CYRIB: variants seen among roughly 807,000 people sequenced by gnomAD.
CYRIB encodes CYFIP-related Rac1 interactor B.
A neutral mutation model predicts 44.2 loss-of-function variants in CYRIB; 8 were observed. The ratio of observed to expected loss-of-function variants is 0.18; its 90% CI spans 0.11 to 0.33. The LOEUF (loss-of-function observed/expected upper bound fraction) is 0.33. Among genes scored for constraint, CYRIB ranks in the 10% least tolerant of loss-of-function variants. CYRIB has a pLI of 1.00. For synonymous variants in CYRIB, 131 were observed against 127.2 expected, an observed-to-expected ratio of 1.03 and a Z score of -0.20; for missense variants, 185 against 382.8, an observed-to-expected ratio of 0.48 and a Z score of 4.31.
At chr8:129,945,282 T>C (rs1208332811) in intron 2 of CYRIB, among the ~76,000 whole-genome samples, 2 of 152,230 alleles carry the variant, frequency 1.3e-5, no homozygotes, top group Admixed American at 6.5e-5. Context: ...TCACTCCTTC[T>C]ACAAAGCATT....
At chr8:129,884,318 C>T (rs2061890377) in intron 2 of CYRIB, among the ~76,000 whole-genome samples, 1 of 152,108 alleles carries the variant, frequency 6.6e-6, no homozygotes, top group Non-Finnish European at 1.5e-5. Flanking sequence ...GACGGGGTTT[C>T]ACTCTTGTTG....
chr8:129,914,187 A>G (rs2079552304), intron 1 of CYRIB, among the ~76,000 whole-genome samples: 2 of 152,240 alleles, frequency 1.3e-5, no homozygotes, highest in Admixed American at 6.5e-5. Context: ...GGATTTGCCA[A>G]CAAAGACGAA....
intron 1 of CYRIB, among the ~76,000 whole-genome samples, chr8:129,937,312 C>G (rs551094701): frequency 6.6e-6 from 1 of 152,324 alleles, no homozygotes; most frequent in East Asian, 1.9e-4. Flanking sequence ...ATTGTAGGTT[C>G]TCACAGTTGA....
chr8:129,938,244 C>T (rs927431819), intron 1 of CYRIB, among the ~76,000 whole-genome samples: 4 of 152,130 alleles, frequency 2.6e-5, no homozygotes, highest in Non-Finnish European at 5.9e-5. Flanking sequence ...AGACACAAAG[C>T]TTCTGTTTCT....
At chr8:129,915,762 A>C (rs953675556) in intron 1 of CYRIB, among the ~76,000 whole-genome samples, 3 of 152,098 alleles carry the variant, frequency 2.0e-5, no homozygotes, top group Non-Finnish European at 4.4e-5. Context: ...CAACCCACTA[A>C]ATTTTGTGGG....
chr8:129,987,572 T>C (rs1291970451), intron 1 of CYRIB, among the ~76,000 whole-genome samples: 4 of 147,202 alleles, frequency 2.7e-5, no homozygotes, highest in Non-Finnish European at 4.5e-5. Flanking sequence ...TTTTTTCTTT[T>C]TTTTTTTTTT....
At chr8:129,989,815 C>T (rs2096581781) in intron 1 of CYRIB, among the ~76,000 whole-genome samples, 1 of 124,278 alleles carries the variant, frequency 8.0e-6, no homozygotes, top group African/African-American at 3.1e-5. Context: ...CCACGACAGG[C>T]CCCGGTGTGT....
At chr8:129,898,981 A>C (rs1316116865) in intron 2 of CYRIB, among the ~76,000 whole-genome samples, 1 of 151,606 alleles carries the variant, frequency 6.6e-6, no homozygotes, top group Non-Finnish European at 1.5e-5. Flanking sequence ...CTCGTGCCTC[A>C]CCCTCCCAAG....
At chr8:129,961,397 C>A (rs1442270430) in intron 2 of CYRIB, among the ~76,000 whole-genome samples, 1 of 152,162 alleles carries the variant, frequency 6.6e-6, no homozygotes, top group Non-Finnish European at 1.5e-5. Flanking sequence ...CCCTAAGCCT[C>A]CCATACCTCA....
chr8:129,849,389 T>C lies in CYRIB; in HGVS notation c.714-20A>G, dbSNP rs755159787. ...TATTCCCTGAAGAGTAGATAAGATA[T>C]GCATGGAAGAAGTGCATTACAAAAT... On this transcript the variant is annotated intron_variant, in intron 9 of 11. Transcript: ENST00000519824. The C allele has an allele frequency of 3.8e-6, 6 of 1,586,076 alleles. No homozygotes were observed. In the Admixed American group the frequency reaches 7.8e-5, roughly 21 times the overall value.
intron 2 of CYRIB, among the ~76,000 whole-genome samples, chr8:129,952,429 A>G (rs1239773023): frequency 6.6e-6 from 1 of 152,172 alleles, no homozygotes; most frequent in African/African-American, 2.4e-5. Context: ...TAATAAAGTT[A>G]TATATAATAG....
At chr8:129,849,128 A>T in intron 10 of CYRIB, 115 bp downstream of exon 12, 1 of 974,024 alleles carries the variant, frequency 1.0e-6, no homozygotes, top group Non-Finnish European at 1.5e-6. Flanking sequence ...CATTTCACAA[A>T]CTATAAATCT....
intron 11 of CYRIB, chr8:129,844,624 C>T (rs1466950228): frequency 2.0e-5 from 3 of 152,150 alleles, no homozygotes; most frequent in Non-Finnish European, 2.9e-5. Flanking sequence ...GGACATATGA[C>T]TTGATGCCTT....
intron 2 of CYRIB, among the ~76,000 whole-genome samples, chr8:129,965,585 A>G (rs915886088): frequency 1.3e-5 from 2 of 151,930 alleles, no homozygotes; most frequent in Non-Finnish European, 2.9e-5. Flanking sequence ...TCACAAGGTC[A>G]GGAGATCGAG....
chr8:129,976,470 G>A (rs1322422821), intron 1 of CYRIB, among the ~76,000 whole-genome samples: 4 of 151,946 alleles, frequency 2.6e-5, no homozygotes, highest in East Asian at 1.9e-4. Flanking sequence ...AAATTATTAC[G>A]GCAATGTTTA....
At chr8:129,870,514 G>A (rs780111472) in intron 4 of CYRIB, among the ~76,000 whole-genome samples, 12 of 152,218 alleles carry the variant, frequency 7.9e-5, no homozygotes, top group Non-Finnish European at 1.2e-4. Context: ...TCTGGTGTCT[G>A]CACTTGATTC....
chr8:129,885,954 T>C, intron 2 of CYRIB, among the ~76,000 whole-genome samples: 1 of 152,194 alleles, frequency 6.6e-6, no homozygotes. Flanking sequence ...AGCATCTATC[T>C]TTTCTACCAT....
At chr8:129,939,904 C>A (rs917720727), upstream of CYRIB, 2 of 152,290 alleles carry the variant, frequency 1.3e-5, no homozygotes, top group African/African-American at 4.8e-5. Flanking sequence ...ATGCGCCGCA[C>A]GCCCGCCCCG....
At chr8:129,955,940 G>A (rs905534902) in intron 2 of CYRIB, among the ~76,000 whole-genome samples, 3 of 152,214 alleles carry the variant, frequency 2.0e-5, no homozygotes, top group Non-Finnish European at 4.4e-5. Context: ...GATAGGTTAT[G>A]CTGTGGTAAC....
Sources: gnomAD v4.1 joint callset for allele counts (sites outside exome capture counted in the v4.1 genomes callset) on GRCh38, gnomAD v4.1.1 for gene constraint, MANE v1.5 for transcripts, NCBI Gene and HGNC (gene_info 2026-07-23, HGNC 2026-07-21) for gene names.